The following ZMAT4 variants were observed in gnomAD, a reference collection of about 807,000 sequenced individuals.
ZMAT4 encodes the protein zinc finger matrin-type 4.
Under a neutral mutation model 28.7 loss-of-function variants are expected in ZMAT4, and 17 were observed. The ratio of observed to expected loss-of-function variants is 0.59; its 90% CI spans 0.41 to 0.89. ZMAT4 has a LOEUF of 0.89. Among genes scored for constraint, ZMAT4 ranks in the 40% least tolerant of loss-of-function variants. The pLI, the probability that ZMAT4 is intolerant of heterozygous loss-of-function variation, is 0.00. For synonymous variants in ZMAT4, 117 were observed against 109.2 expected (o/e 1.07, Z -0.44); for missense variants, 240 against 283.8 (o/e 0.85, Z 1.11).
chr8:40,603,041 A>G (rs1216549946), intron 5 of ZMAT4, among the ~76,000 whole-genome samples: 1 of 152,198 alleles, frequency 6.6e-6, no homozygotes, highest in Admixed American at 6.5e-5. Flanking sequence ...TTATGGTTTC[A>G]GGTCTTAGAT....
At chr8:40,634,443 C>T (rs372525342) in intron 5 of ZMAT4, among the ~76,000 whole-genome samples, 1 of 152,258 alleles carries the variant, frequency 6.6e-6, no homozygotes, top group East Asian at 1.9e-4. Flanking sequence ...TCTATTTGCA[C>T]TCAACTCTAA....
chr8:40,592,098 A>G (rs1397178713), intron 5 of ZMAT4, among the ~76,000 whole-genome samples: 1 of 152,172 alleles, frequency 6.6e-6, no homozygotes, highest in Non-Finnish European at 1.5e-5. Flanking sequence ...TCTAGTTGAA[A>G]TGGGGGGTAG....
In ZMAT4 at chr8:40,600,712, A is replaced by G. The variant is rs74443677; in HGVS notation, c.578-19451T>C. On this transcript the variant is annotated intron_variant, in intron 5 of 6. Coordinates refer to ENST00000297737, the MANE Select transcript of ZMAT4 (RefSeq NM_024645.3). ...TAGAGTGCCAAACTCCAGTTCCTCC[A>G]TGAGTATGCAGATCAGATTCCTGAC... Among the ~76,000 whole-genome samples, 469 of 152,270 alleles carry G rather than the reference A, an allele frequency of 3.1e-3. 1 individual carries two copies. The highest frequency in any genetic ancestry group is 0.011 in the African/African-American group (458 of 41,546).
chr8:40,600,248 T>A (rs912841893), intron 5 of ZMAT4, among the ~76,000 whole-genome samples: 4 of 152,192 alleles, frequency 2.6e-5, no homozygotes, highest in Non-Finnish European at 5.9e-5. Context: ...AAACTGGATA[T>A]CCCAATCTGC....
intron 2 of ZMAT4, among the ~76,000 whole-genome samples, chr8:40,798,030 C>T (rs2150584219): frequency 6.6e-6 from 1 of 152,332 alleles, no homozygotes. Flanking sequence ...TTCACTGCTC[C>T]ACCAGGCACA....
chr8:40,587,608 TACAA>T (rs1804710961), intron 5 of ZMAT4, among the ~76,000 whole-genome samples: 1 of 151,108 alleles, frequency 6.6e-6, no homozygotes, highest in African/African-American at 2.4e-5. Context: ...AATAAGCAAA[TACAA>T]AGAAAGAAAG....
chr8:40,775,790 T>C (rs889672112), intron 2 of ZMAT4, among the ~76,000 whole-genome samples: 3 of 152,206 alleles, frequency 2.0e-5, no homozygotes, highest in African/African-American at 7.2e-5. Context: ...ATGCCCAATG[T>C]GACTGTATCT....
chr8:40,792,480 G>GAAGA (rs1232635402), intron 2 of ZMAT4, among the ~76,000 whole-genome samples: 2 of 4,258 alleles, frequency 4.7e-4, no homozygotes. Flanking sequence ...ATTCAGGAAG[G>GAAGA]AAGGAAGGAA....
chr8:40,585,350 TCCCA>T (rs1804632368), intron 5 of ZMAT4, among the ~76,000 whole-genome samples: 13 of 152,216 alleles, frequency 8.5e-5, no homozygotes, highest in South Asian at 4.2e-4. Context: ...AAGCAGTGAC[TCCCA>T]AACGTCAGAG....
At chr8:40,751,223 C>T (rs1474489041) in intron 3 of ZMAT4, among the ~76,000 whole-genome samples, 1 of 152,102 alleles carries the variant, frequency 6.6e-6, no homozygotes, top group Non-Finnish European at 1.5e-5. Flanking sequence ...TAAATAAATA[C>T]CTGAGACTGG....
chr8:40,647,826 C>T (rs2118797394), intron 5 of ZMAT4, among the ~76,000 whole-genome samples: 1 of 152,278 alleles, frequency 6.6e-6, no homozygotes, highest in East Asian at 1.9e-4. Context: ...ACTGACACCT[C>T]ACACGCAGGG....
intron 5 of ZMAT4, among the ~76,000 whole-genome samples, chr8:40,593,347 T>C (rs1804959192): frequency 6.6e-6 from 1 of 152,200 alleles, no homozygotes; most frequent in African/African-American, 2.4e-5. Context: ...TGCTTGTTAC[T>C]ATCTGGGGTG....
chr8:40,545,251 G>A (rs1803164678), intron 6 of ZMAT4, among the ~76,000 whole-genome samples: 4 of 152,110 alleles, frequency 2.6e-5, no homozygotes, highest in Admixed American at 2.6e-4. Context: ...AGCCTCAGGA[G>A]AAGCTCAGAA....
intron 2 of ZMAT4, among the ~76,000 whole-genome samples, chr8:40,770,372 C>G (rs911403871): frequency 6.6e-6 from 1 of 152,032 alleles, no homozygotes; most frequent in African/African-American, 2.4e-5. Flanking sequence ...CGTTGGTTGA[C>G]AAAGGGAAAG....
At chr8:40,625,193 A>T (rs1563372431) in intron 5 of ZMAT4, among the ~76,000 whole-genome samples, 1 of 152,180 alleles carries the variant, frequency 6.6e-6, no homozygotes, top group Admixed American at 6.5e-5. Flanking sequence ...ACAGCAAGAA[A>T]ATCAGCAGCT....
chr8:40,730,659 G>T (rs1811498401), intron 3 of ZMAT4, among the ~76,000 whole-genome samples: 1 of 152,240 alleles, frequency 6.6e-6, no homozygotes, highest in African/African-American at 2.4e-5. Context: ...GCCTGGTGGG[G>T]ATTTCAGAAG....
At chr8:40,788,107 C>A (rs1359382654) in intron 2 of ZMAT4, among the ~76,000 whole-genome samples, 2 of 151,930 alleles carry the variant, frequency 1.3e-5, no homozygotes, top group African/African-American at 4.8e-5. Flanking sequence ...TCTACTCAGA[C>A]CAATGGGGAA....
At chr8:40,808,490 T>C (rs999720882) in intron 2 of ZMAT4, 1 of 453,020 alleles carries the variant, frequency 2.2e-6, no homozygotes, top group Admixed American at 2.4e-5. Context: ...AATGCAGTAG[T>C]ATAAAGCTGA....
intron 6 of ZMAT4, among the ~76,000 whole-genome samples, chr8:40,563,188 A>G (rs906466676): frequency 6.6e-6 from 1 of 152,130 alleles, no homozygotes; most frequent in Non-Finnish European, 1.5e-5. Flanking sequence ...AATCATTCTC[A>G]TTCCCCAGCC....
Sources: gnomAD v4.1 joint callset for allele counts (sites outside exome capture counted in the v4.1 genomes callset) on GRCh38, gnomAD v4.1.1 for gene constraint, MANE v1.5 for transcripts, NCBI Gene and HGNC (gene_info 2026-07-23, HGNC 2026-07-21) for gene names.